NCK2: variants seen among roughly 807,000 people sequenced by gnomAD.
NCK2 encodes the protein NCK adaptor protein 2, also known as cytoplasmic protein NCK2.
NCK2 carries 16 observed loss-of-function variants against 33.9 expected under a neutral mutation model. The ratio of observed to expected loss-of-function variants is 0.47; its 90% CI spans 0.32 to 0.72. The LOEUF is 0.72. Among genes scored for constraint, NCK2 ranks in the 30% least tolerant of loss-of-function variants. NCK2 has a pLI of 0.03. For missense variants in NCK2, 418 were observed against 537.3 expected (o/e 0.78, Z 2.19); for synonymous variants, 273 against 239.9 (o/e 1.14, Z -1.27).
At chr2:105,871,490 G>T (rs1678003554) in intron 3 of NCK2, among the ~76,000 whole-genome samples, 1 of 151,432 alleles carries the variant, frequency 6.6e-6, no homozygotes, top group Non-Finnish European at 1.5e-5. Flanking sequence ...AAAGATAATG[G>T]TTTTTCTTTT....
chr2:105,894,016 CACACTA>C lies in NCK2; in HGVS notation c.*841_*846del, dbSNP rs5833159. ...ACACACGTGCACACACACACACACA[CACACTA>C]TATATATATATATTATTTACAGGGA... is the stretch of plus-strand genomic sequence containing the variant. On this transcript the variant is annotated 3_prime_UTR_variant, in exon 5 of 5. Transcript: ENST00000233154. The C allele has an allele frequency of 0.25, 37,376 of 151,074 alleles. 4,769 individuals carry two copies. Among genetic ancestry groups the C allele is most frequent in the Admixed American group, 0.34 (5,187 of 15,094 alleles). The allele number at this position is 151,074 out of a possible 1,614,324, so 9.4% of individuals were successfully genotyped here. A position where few individuals can be genotyped will look rare whatever the true frequency, so the allele number is the denominator to read the frequency against.
intron 3 of NCK2, 135 bp downstream of exon 3, chr2:105,855,424 T>C (rs1396763309): frequency 3.0e-6 from 2 of 675,478 alleles, no homozygotes; most frequent in Non-Finnish European, 4.9e-6. Flanking sequence ...TCTTTTTTAA[T>C]AATCTAAGAA....
rs771849479 is a variant in NCK2 at position 105,881,967 on chromosome 2, A to G, written c.866A>G (p.Asn289Ser). The change falls in exon 4 of 5, where the codon AAC becomes AGC. Residue 289 changes from asparagine (N) to serine (S), a missense_variant. Physicochemically the swap from Asn to Ser is conservative, Grantham distance 46 (BLOSUM62 1). Transcript: ENST00000233154. ...GCGGGCAGAGAGTGGTACTACGGGA[A>G]CGTGACGCGGCACCAGGCCGAGTGC... is the stretch of plus-strand genomic sequence containing the variant. ...RFAGREWYYGNVTRHQAECAL... is the reference protein window; with the variant it reads ...RFAGREWYYGSVTRHQAECAL... 5 of 1,532,288 alleles carry G rather than the reference A, an allele frequency of 3.3e-6. No homozygotes were observed. The highest frequency in any genetic ancestry group is 1.3e-5 in the South Asian group (1 of 77,152). 94.9% of individuals were successfully genotyped at this position (1,532,288 alleles called of 1,614,324 possible).
chr2:105,893,300 CAGG>C lies in NCK2; in HGVS notation c.*125_*127del. On this transcript the variant is annotated 3_prime_UTR_variant, in exon 5 of 5. Coordinates refer to ENST00000233154, the MANE Select transcript of NCK2 (RefSeq NM_003581.5). ...TTCTCTGCGAGTCTCTCTTTATGTT[CAGG>C]TCGCTTGGTCGGTTCGTCTCCCATT... The C allele has an allele frequency of 2.0e-6, 2 of 995,662 alleles. No homozygotes were observed. Among genetic ancestry groups the C allele is most frequent in the Non-Finnish European group, 2.9e-6 (2 of 697,638 alleles). 61.7% of individuals were successfully genotyped at this position (995,662 alleles called of 1,614,324 possible). A position where few individuals can be genotyped will look rare whatever the true frequency, so the allele number is the denominator to read the frequency against.
chr2:105,782,165 C>CT (rs1690520273), intron 1 of NCK2, among the ~76,000 whole-genome samples: 1 of 152,216 alleles, frequency 6.6e-6, no homozygotes, highest in Admixed American at 6.5e-5. Context: ...CACCGATCAT[C>CT]TCTTTCCCCT....
intron 2 of NCK2, among the ~76,000 whole-genome samples, chr2:105,845,751 GA>G (rs375984517): frequency 4.7e-5 from 7 of 150,334 alleles, no homozygotes; most frequent in African/African-American, 9.8e-5. Flanking sequence ...TTACAGCTGT[GA>G]AAAAAAAATA....
intron 2 of NCK2, among the ~76,000 whole-genome samples, chr2:105,844,998 T>A (rs1240661873): frequency 6.6e-6 from 1 of 152,078 alleles, no homozygotes; most frequent in Non-Finnish European, 1.5e-5. Context: ...AAACCCAAAG[T>A]AACCCATGTC....
intron 1 of NCK2, among the ~76,000 whole-genome samples, chr2:105,781,094 G>A (rs888622177): frequency 3.9e-5 from 6 of 152,062 alleles, no homozygotes; most frequent in African/African-American, 7.2e-5. Flanking sequence ...CACCTATTCC[G>A]GGGTTGGCTT....
rs905373832 is a variant in NCK2 at position 105,816,588 on chromosome 2, A to G, written c.-42A>G. 8.5e-5 allele frequency: 13 copies of G among 152,236 alleles called. No individual in the cohort carries two copies. Among genetic ancestry groups the G allele is most frequent in the African/African-American group, 3.1e-4 (13 of 41,460 alleles). 9.4% of individuals were successfully genotyped at this position (152,236 alleles called of 1,614,324 possible). A position where few individuals can be genotyped will look rare whatever the true frequency, so the allele number is the denominator to read the frequency against. On this transcript the variant is annotated 5_prime_UTR_variant, in exon 2 of 5. Coordinates refer to ENST00000233154, the MANE Select transcript of NCK2 (RefSeq NM_003581.5). ...GTTTTGAAGAGTTCTGCGTTTTGCC[A>G]GTCACCTCTCAACTGTGTGCCAAAG...
intron 3 of NCK2, among the ~76,000 whole-genome samples, chr2:105,874,138 G>A (rs1259873370): frequency 6.6e-6 from 1 of 152,208 alleles, no homozygotes; most frequent in Non-Finnish European, 1.5e-5. Context: ...AAATCCTTAA[G>A]TTGAGTGAAT....
intron 2 of NCK2, among the ~76,000 whole-genome samples, chr2:105,835,393 A>ATATG (rs1553458580): frequency 0.018 from 905 of 51,082 alleles, 20 homozygotes; most frequent in Middle Eastern, 0.047. Flanking sequence ...ATACACATAT[A>ATATG]TATATATATA....
chr2:105,839,777 G>C (rs1676567085), intron 2 of NCK2, among the ~76,000 whole-genome samples: 1 of 152,178 alleles, frequency 6.6e-6, no homozygotes, highest in Non-Finnish European at 1.5e-5. Context: ...GACACTCAAA[G>C]CCAAGAGGGC....
chr2:105,751,411 C>T (rs114572893), intron 1 of NCK2, among the ~76,000 whole-genome samples: 1 of 152,300 alleles, frequency 6.6e-6, no homozygotes, highest in Non-Finnish European at 1.5e-5. Flanking sequence ...ACAGTCAGGT[C>T]TGGCCATGAC....
chr2:105,782,243 G>T (rs1690523922), intron 1 of NCK2, among the ~76,000 whole-genome samples: 2 of 152,144 alleles, frequency 1.3e-5, no homozygotes, highest in African/African-American at 4.8e-5. Flanking sequence ...CCGGGCCCAG[G>T]GACTCAGGGT....
intron 1 of NCK2, among the ~76,000 whole-genome samples, chr2:105,776,838 C>T (rs1690320348): frequency 6.6e-6 from 1 of 151,940 alleles, no homozygotes; most frequent in African/African-American, 2.4e-5. Flanking sequence ...GTACTGCTGA[C>T]CTCACTTTTC....
intron 2 of NCK2, among the ~76,000 whole-genome samples, chr2:105,845,137 T>G (rs1034747441): frequency 1.3e-5 from 2 of 152,296 alleles, no homozygotes; most frequent in Admixed American, 1.3e-4. Flanking sequence ...GATACCATGC[T>G]TAGGAATGTG....
intron 2 of NCK2, among the ~76,000 whole-genome samples, chr2:105,824,183 C>T (rs893891049): frequency 6.6e-6 from 1 of 150,736 alleles, no homozygotes; most frequent in Non-Finnish European, 1.5e-5. Flanking sequence ...TGTGTGAGTG[C>T]CCCCTCCCTT....
chr2:105,759,808 A>G (rs1448395900), intron 1 of NCK2, among the ~76,000 whole-genome samples: 2 of 152,186 alleles, frequency 1.3e-5, no homozygotes, highest in East Asian at 3.8e-4. Context: ...TTTGAGGAGC[A>G]AAACTGCTTT....
rs1351326581 is a variant in NCK2 at position 105,848,887 on chromosome 2, A to G, written c.-16-6161A>G. ...GAATAATTCAGACTGCATGTTGAAA[A>G]TCAAGGTAGGGATGACAGTATTTTT... On this transcript the variant is annotated intron_variant, in intron 2 of 4. Transcript: ENST00000233154. Among the ~76,000 whole-genome samples, 4 of 152,246 alleles carry G rather than the reference A, an allele frequency of 2.6e-5. 1 individual carries two copies. Among genetic ancestry groups the G allele is most frequent in the African/African-American group, 9.6e-5 (4 of 41,468 alleles).
Sources: allele counts gnomAD v4.1 joint callset (sites outside exome capture counted in the v4.1 genomes callset), GRCh38; gene constraint gnomAD v4.1.1; transcripts MANE v1.5; gene names NCBI Gene and HGNC (gene_info 2026-07-23, HGNC 2026-07-21).